LGI1: variants seen among roughly 807,000 people sequenced by gnomAD.
The protein encoded by LGI1 is leucine rich glioma inactivated 1.
In LGI1, 11 loss-of-function variants were observed where a neutral mutation model predicts 57.7. The observed-to-expected ratio is 0.19, with a 90% CI of 0.12 to 0.32. The LOEUF is 0.32. Among genes scored for constraint, LGI1 ranks in the 10% least tolerant of loss-of-function variants. The pLI is 1.00. For synonymous variants in LGI1, 222 were observed against 241.9 expected (o/e 0.92, Z 0.76); for missense variants, 422 against 661.9 (o/e 0.64, Z 3.98).
rs759820733 is a variant in LGI1, at chr10:93,758,394, G to A, written c.215+35G>A. ...GTAAGCATTTTGATATCTAATTTAC[G>A]ATTTAAAAATTCCAGCCGGTGGATT... On this transcript the variant is annotated intron_variant, in intron 1 of 7. Transcript: ENST00000371418. This position sits in a 1 kb window ranked among gnomAD's most constrained non-coding sequence, Gnocchi z 4.7. 2 of 1,596,830 alleles carry A rather than the reference G, an allele frequency of 1.3e-6. No homozygotes were observed. Among genetic ancestry groups the A allele is most frequent in the Admixed American group, 1.7e-5 (1 of 59,964 alleles).
chr10:93,786,559 T>C (rs1392935276), intron 4 of LGI1, among the ~76,000 whole-genome samples: 1 of 46,888 alleles, frequency 2.1e-5, no homozygotes, highest in African/African-American at 3.0e-5. Flanking sequence ...ATATGGACCA[T>C]AGTTTATTTA....
chr10:93,773,293 G>C (rs1589758907), intron 2 of LGI1, among the ~76,000 whole-genome samples: 1 of 152,238 alleles, frequency 6.6e-6, no homozygotes, highest in East Asian at 1.9e-4. Context: ...TCGCCAGAAC[G>C]TGGTTATTAT....
At chr10:93,782,904 G>A (rs2059858860) in intron 4 of LGI1, 2 of 152,214 alleles carry the variant, frequency 1.3e-5, no homozygotes, top group South Asian at 2.1e-4. Context: ...AGACTTTCCA[G>A]TGGGTTCCAC....
intron 2 of LGI1, chr10:93,766,753 C>G (rs536360030): frequency 4.6e-5 from 7 of 151,876 alleles, no homozygotes; most frequent in African/African-American, 1.4e-4. Flanking sequence ...GTGATCCTCC[C>G]GCCTCGGCCT....
At chr10:93,777,259 A>T in intron 2 of LGI1, 120 bp from the exon 3 acceptor site, 1 of 826,552 alleles carries the variant, frequency 1.2e-6, no homozygotes. Flanking sequence ...ACACTGTAGC[A>T]GACAGCCATG....
intron 2 of LGI1, among the ~76,000 whole-genome samples, chr10:93,761,599 A>G (rs1262283717): frequency 6.6e-6 from 1 of 152,202 alleles, no homozygotes; most frequent in East Asian, 1.9e-4. Context: ...TAGACATGGT[A>G]TCTGAAGTTA....
chr10:93,796,832 C>T (rs2059984196), intron 7 of LGI1, 136 bp from the exon 8 acceptor site: 2 of 732,804 alleles, frequency 2.7e-6, no homozygotes, highest in Non-Finnish European at 4.6e-6. Flanking sequence ...CTTTGGAGAC[C>T]AGCCTTGCCT....
chr10:93,758,435 A>C lies in LGI1; in HGVS notation c.215+76A>C. 7.3e-7 allele frequency: 1 copy of C among 1,374,198 alleles called. No individual in the cohort carries two copies. Among genetic ancestry groups the C allele is most frequent in the Non-Finnish European group, 1.0e-6 (1 of 966,976 alleles). The allele number at this position is 1,374,198 out of a possible 1,614,324, so 85.1% of individuals were successfully genotyped here. ...CCGGTGGATTTGGGGCTTTGCATGT[A>C]TTTGTAGAAGGGCATGGAGAGAGAG... On this transcript the variant is annotated intron_variant, in intron 1 of 7. Coordinates refer to ENST00000371418, the MANE Select transcript of LGI1 (RefSeq NM_005097.4). The surrounding 1 kb of genome is among the most constrained non-coding windows in gnomAD (Gnocchi z 4.7).
chr10:93,789,905 G>A, intron 4 of LGI1, 194 bp from the exon 5 acceptor site: 1 of 586,346 alleles, frequency 1.7e-6, no homozygotes, highest in Non-Finnish European at 3.0e-6. Flanking sequence ...TGGAGTGGGT[G>A]TTGAAGTGAA....
intron 2 of LGI1, among the ~76,000 whole-genome samples, chr10:93,762,093 G>A (rs1261273693): frequency 2.6e-5 from 4 of 152,112 alleles, no homozygotes; most frequent in Non-Finnish European, 5.9e-5. Flanking sequence ...ATAAACCCCT[G>A]TAATTCCCGA....
At chr10:93,769,753 C>T (rs1381369343) in intron 2 of LGI1, 1 of 152,222 alleles carries the variant, frequency 6.6e-6, no homozygotes, top group Non-Finnish European at 1.5e-5. Context: ...CTCCAAGTGA[C>T]AACCAGGCAC....
chr10:93,765,932 T>C lies in LGI1; in HGVS notation c.287+7101T>C, dbSNP rs1393696346. 2.2e-5 allele frequency among the ~76,000 whole-genome samples: 3 copies of C among 139,450 alleles called. No homozygotes were observed. The East Asian group carries it at 6.3e-4, about 29-fold the overall frequency. The allele number at this position is 139,450 out of a possible 152,430, so 91.5% of individuals were successfully genotyped here. A position where few individuals can be genotyped will look rare whatever the true frequency, so the allele number is the denominator to read the frequency against. The stretch of plus-strand genomic sequence containing the variant: ...TTGCAGTGAGCCGAGATCGCGCCAC[T>C]GCACTCCAGCCTGGGCGACAGAGTA... On this transcript the variant is annotated intron_variant, in intron 2 of 7. Transcript: ENST00000371418.
chr10:93,795,302 A>G (rs2059970855), intron 7 of LGI1, among the ~76,000 whole-genome samples: 1 of 152,156 alleles, frequency 6.6e-6, no homozygotes, highest in South Asian at 2.1e-4. Flanking sequence ...ATAGTTCTGG[A>G]GGCTGGGAAC....
intron 2 of LGI1, chr10:93,769,995 C>G (rs1025644893): frequency 6.6e-6 from 1 of 152,266 alleles, no homozygotes; most frequent in African/African-American, 2.4e-5. Context: ...GTGCCTGGCA[C>G]GGGACCAAAT....
At chr10:93,764,689 G>T (rs950274701) in intron 2 of LGI1, 2 of 152,200 alleles carry the variant, frequency 1.3e-5, no homozygotes, top group African/African-American at 4.8e-5. Flanking sequence ...TCTACAAAAT[G>T]AGGAAGAACC....
intron 5 of LGI1, 116 bp downstream of exon 5, chr10:93,790,286 A>G: frequency 7.0e-6 from 7 of 998,392 alleles, no homozygotes; most frequent in Non-Finnish European, 8.7e-6. Flanking sequence ...TAGGATTTTT[A>G]AATCTAAATT....
intron 7 of LGI1, chr10:93,794,940 A>G (rs1426671079): frequency 6.6e-6 from 1 of 152,096 alleles, no homozygotes; most frequent in African/African-American, 2.4e-5. Flanking sequence ...GGGTTGCTTA[A>G]ATAAAGGGAT....
rs564326647 is a variant in LGI1 at position 93,775,527 on chromosome 10, G to A, written c.288-1852G>A. 6.6e-5 allele frequency among the ~76,000 whole-genome samples: 10 copies of A among 152,298 alleles called. No individual in the cohort carries two copies. The South Asian group carries it at 2.1e-3, about 32-fold the overall frequency. ...ATATTTAATCCAGTAGTCTCGTAAT[G>A]ATCAGAATTTAGTGTAAGGTGAATT... On this transcript the variant is annotated intron_variant, in intron 2 of 7. Coordinates refer to ENST00000371418, the MANE Select transcript of LGI1 (RefSeq NM_005097.4).
At chr10:93,796,027 C>T (rs886933211) in intron 7 of LGI1, among the ~76,000 whole-genome samples, 1 of 152,254 alleles carries the variant, frequency 6.6e-6, no homozygotes, top group Admixed American at 6.5e-5. Context: ...TAGAGCCAAA[C>T]TCCTGCAAGA....
Sources: allele counts gnomAD v4.1 joint callset (sites outside exome capture counted in the v4.1 genomes callset), GRCh38; gene constraint gnomAD v4.1.1; non-coding constraint Gnocchi (gnomAD v3.1); transcripts MANE v1.5; gene names NCBI Gene and HGNC (gene_info 2026-07-23, HGNC 2026-07-21).